The following MED27 variants were observed in gnomAD, a reference collection of about 807,000 sequenced individuals.
The protein encoded by MED27 is mediator complex subunit 27.
In MED27, 30 loss-of-function variants were observed where a neutral mutation model predicts 38.2. The ratio of observed to expected loss-of-function variants is 0.79; its 90% CI spans 0.59 to 1.07. The LOEUF (loss-of-function observed/expected upper bound fraction) is 1.07, where lower values mean the gene tolerates loss of function less well. MED27 is among the 50% of genes least tolerant of loss of function. MED27 has a pLI of 0.00. For synonymous variants in MED27, 122 were observed against 153.5 expected, an observed-to-expected ratio of 0.79 and a Z score of 1.52; for missense variants, 289 against 397.5, an observed-to-expected ratio of 0.73 and a Z score of 2.32.
At chr9:132,053,967 A>C (rs1216907993) in intron 2 of MED27, among the ~76,000 whole-genome samples, 1 of 152,016 alleles carries the variant, frequency 6.6e-6, no homozygotes, top group Non-Finnish European at 1.5e-5. Flanking sequence ...ATAAGTGACA[A>C]AATTTCCTTC....
intron 3 of MED27, among the ~76,000 whole-genome samples, chr9:131,950,626 T>A (rs1421259709): frequency 6.6e-6 from 1 of 152,142 alleles, no homozygotes; most frequent in Non-Finnish European, 1.5e-5. Context: ...GTCATAACCA[T>A]ACATTAAAGC....
intron 3 of MED27, among the ~76,000 whole-genome samples, chr9:131,973,908 G>A (rs377746943): frequency 1.3e-5 from 2 of 151,068 alleles, no homozygotes; most frequent in East Asian, 1.9e-4. Context: ...TAATAGAGAC[G>A]GGTTTCACCA....
chr9:131,986,999 ATTTTTTTTTTTTTTTTTT>A (rs66519112), intron 3 of MED27, among the ~76,000 whole-genome samples: 4 of 46,224 alleles, frequency 8.7e-5, no homozygotes, highest in Non-Finnish European at 1.5e-4. Context: ...GAGTTCATGG[ATTTTTTTTTTTTTTTTTT>A]TTTTTTTTTT....
chr9:131,936,147 A>AAAAAGAAAG (rs1554757791), intron 4 of MED27, among the ~76,000 whole-genome samples: 4 of 150,564 alleles, frequency 2.7e-5, no homozygotes, highest in African/African-American at 7.4e-5. Context: ...AAAAAAAAAA[A>AAAAAGAAAG]AAAGAAAGAA....
chr9:132,067,626 C>T (rs1833837181), intron 2 of MED27, among the ~76,000 whole-genome samples: 1 of 152,200 alleles, frequency 6.6e-6, no homozygotes. Flanking sequence ...GATGTCTGGG[C>T]TCCATTTTCA....
chr9:132,012,024 A>G (rs1489725529), intron 3 of MED27, among the ~76,000 whole-genome samples: 3 of 151,526 alleles, frequency 2.0e-5, no homozygotes, highest in Non-Finnish European at 4.4e-5. Context: ...GTGTCCTCAC[A>G]ATAGCATGTC....
intron 3 of MED27, among the ~76,000 whole-genome samples, chr9:131,967,427 T>C (rs1275729343): frequency 6.6e-6 from 1 of 152,180 alleles, no homozygotes; most frequent in Non-Finnish European, 1.5e-5. Flanking sequence ...CTGCTTTCAT[T>C]ATCAGGTTGC....
At chr9:132,058,214 G>A (rs1408930393) in intron 2 of MED27, among the ~76,000 whole-genome samples, 4 of 152,114 alleles carry the variant, frequency 2.6e-5, no homozygotes, top group South Asian at 2.1e-4. Flanking sequence ...TAGGGACACT[G>A]GTCTCCCTCT....
At chr9:131,885,726 T>C (rs951142063) in intron 5 of MED27, among the ~76,000 whole-genome samples, 2 of 152,230 alleles carry the variant, frequency 1.3e-5, no homozygotes, top group Non-Finnish European at 2.9e-5. Flanking sequence ...AACAAATCAA[T>C]GCCTTCTGTT....
chr9:131,960,748 T>G (rs1448970864), intron 3 of MED27, among the ~76,000 whole-genome samples: 1 of 152,144 alleles, frequency 6.6e-6, no homozygotes, highest in Non-Finnish European at 1.5e-5. Flanking sequence ...AACACAGGTA[T>G]ACAAAGCCTT....
chr9:132,029,148 T>A (rs1314807373), intron 2 of MED27, among the ~76,000 whole-genome samples: 1 of 152,220 alleles, frequency 6.6e-6, no homozygotes, highest in Non-Finnish European at 1.5e-5. Flanking sequence ...ATTTCATGCA[T>A]GTATTGTTGA....
At chr9:131,898,653 T>A (rs1311300667) in intron 4 of MED27, among the ~76,000 whole-genome samples, 4 of 152,010 alleles carry the variant, frequency 2.6e-5, no homozygotes, top group Non-Finnish European at 5.9e-5. Flanking sequence ...AGTGGCACAA[T>A]CTTGGCTAGT....
chr9:132,047,119 T>C (rs2131129889), intron 2 of MED27, among the ~76,000 whole-genome samples: 1 of 152,322 alleles, frequency 6.6e-6, no homozygotes, highest in East Asian at 1.9e-4. Flanking sequence ...TATATCTATA[T>C]ATATCTTTAA....
At chr9:132,049,525 G>T (rs1833415993) in intron 2 of MED27, among the ~76,000 whole-genome samples, 1 of 152,184 alleles carries the variant, frequency 6.6e-6, no homozygotes, top group Admixed American at 6.5e-5. Context: ...CAACAGACTG[G>T]GAGCAGGAAG....
intron 3 of MED27, among the ~76,000 whole-genome samples, chr9:131,993,379 A>G (rs1313736975): frequency 6.6e-6 from 1 of 152,202 alleles, no homozygotes; most frequent in Non-Finnish European, 1.5e-5. Flanking sequence ...ATCACAGCTG[A>G]GGACGAAAGA....
chr9:131,948,433 G>A (rs1270164604), intron 3 of MED27, among the ~76,000 whole-genome samples: 1 of 151,372 alleles, frequency 6.6e-6, no homozygotes, highest in African/African-American at 2.4e-5. Context: ...GTTGCAGGGA[G>A]CCAAGATTAT....
chr9:131,963,848 G>A (rs755033075), intron 3 of MED27, among the ~76,000 whole-genome samples: 3 of 152,140 alleles, frequency 2.0e-5, no homozygotes, highest in Admixed American at 6.5e-5. Context: ...CTGACAACCC[G>A]GAGAAAATGG....
Position 131,982,788 on chromosome 9 carries a change from T to C in MED27, c.479+31549A>G, listed in dbSNP as rs1366709102. ...GATCTGCCGCAATGCCTGACCTCTGTGCATCTCCAACTGTAGTACAAAAGC... is the reference window on the plus strand; with the variant it reads ...GATCTGCCGCAATGCCTGACCTCTGCGCATCTCCAACTGTAGTACAAAAGC... On this transcript the variant is annotated intron_variant, in intron 3 of 7. Transcript: ENST00000292035. The surrounding 1 kb of genome is among the most constrained non-coding windows in gnomAD (Gnocchi z 4.3). 6.6e-6 allele frequency among the ~76,000 whole-genome samples: 1 copy of C among 152,198 alleles called. No homozygotes were observed. Among genetic ancestry groups the C allele is most frequent in the African/African-American group, 2.4e-5 (1 of 41,450 alleles).
chr9:131,990,676 C>T (rs1418174623), intron 3 of MED27, among the ~76,000 whole-genome samples: 1 of 152,198 alleles, frequency 6.6e-6, no homozygotes, highest in African/African-American at 2.4e-5. Flanking sequence ...TCAGTTCACC[C>T]TTGACTCCAT....
Sources: gnomAD v4.1 joint callset for allele counts (sites outside exome capture counted in the v4.1 genomes callset) on GRCh38, gnomAD v4.1.1 for gene constraint, Gnocchi (gnomAD v3.1) non-coding constraint, MANE v1.5 for transcripts, NCBI Gene and HGNC (gene_info 2026-07-23, HGNC 2026-07-21) for gene names.